RGMA: variants seen among roughly 807,000 people sequenced by gnomAD.
RGMA encodes the protein repulsive guidance molecule BMP co-receptor a.
Under a neutral mutation model 23.2 loss-of-function variants are expected in RGMA, and 10 were observed. The observed-to-expected ratio is 0.43, with a 90% CI of 0.27 to 0.73. The LOEUF (loss-of-function observed/expected upper bound fraction) is 0.73, where lower values mean the gene tolerates loss of function less well. Among genes scored for constraint, RGMA ranks in the 30% least tolerant of loss-of-function variants. RGMA has a pLI of 0.20. For missense variants in RGMA, 547 were observed against 630.5 expected (o/e 0.87, Z 1.42); for synonymous variants, 308 against 279.3 (o/e 1.10, Z -1.03).
chr15:93,084,465 T>G lies in RGMA; in HGVS notation c.14+4454A>C, dbSNP rs28539355. On this transcript the variant is annotated intron_variant, in intron 1 of 3. Coordinates refer to ENST00000329082, the MANE Select transcript of RGMA (RefSeq NM_020211.3). Reference sequence around the variant, plus strand: ...AAACGATCAGATGTCAAGGTTTTTTTGTTTTTTTGTTTTTTGTTTTTTTTT... The same window carrying G: ...AAACGATCAGATGTCAAGGTTTTTTGGTTTTTTTGTTTTTTGTTTTTTTTT... Among the ~76,000 whole-genome samples, 593 of 149,864 alleles carry G rather than the reference T, an allele frequency of 4.0e-3. 4 individuals carry two copies. The highest frequency in any genetic ancestry group is 0.015 in the African/African-American group (571 of 39,274).
chr15:93,063,401 C>T (rs1895035831), intron 2 of RGMA, among the ~76,000 whole-genome samples: 1 of 152,232 alleles, frequency 6.6e-6, no homozygotes, highest in Non-Finnish European at 1.5e-5. Flanking sequence ...TGCCTCAGTG[C>T]TGGATCTCAC....
intron 1 of RGMA, chr15:93,073,731 G>T (rs575976127): frequency 9.1e-6 from 14 of 1,537,170 alleles, no homozygotes; most frequent in Middle Eastern, 1.7e-4. Context: ...CGAGGTTCCC[G>T]CCCGTCGTGG....
chr15:93,054,895 G>A (rs1476885858), intron 2 of RGMA, among the ~76,000 whole-genome samples: 3 of 152,310 alleles, frequency 2.0e-5, no homozygotes, highest in East Asian at 3.9e-4. Flanking sequence ...CAACCTACCT[G>A]TAGGCTTTGA....
intron 1 of RGMA, 167 bp from the exon 2 acceptor site, chr15:93,073,198 C>A: frequency 8.2e-7 from 1 of 1,212,788 alleles, no homozygotes; most frequent in Non-Finnish European, 1.0e-6. Context: ...CCTCCCTCGC[C>A]ATCCATCACT....
chr15:93,038,652 G>C lies in RGMA; in HGVS notation c.*6346C>G, dbSNP rs1369654162. ...TGCAGTGGTGCGATCTCTGCTTGCTGCAAGTTCTGCCTCCCGGGTTCACGC... is the reference window on the plus strand; with the variant it reads ...TGCAGTGGTGCGATCTCTGCTTGCTCCAAGTTCTGCCTCCCGGGTTCACGC... On this transcript the variant is annotated 3_prime_UTR_variant, in exon 4 of 4. Coordinates refer to ENST00000329082, the MANE Select transcript of RGMA (RefSeq NM_020211.3). 1 of 148,372 alleles carries C rather than the reference G, an allele frequency of 6.7e-6. No individual in the cohort carries two copies. The highest frequency in any genetic ancestry group is 1.5e-5 in the Non-Finnish European group (1 of 67,604). 9.2% of individuals were successfully genotyped at this position (148,372 alleles called of 1,614,324 possible).
At chr15:93,062,436 G>A (rs1179903721) in intron 2 of RGMA, among the ~76,000 whole-genome samples, 2 of 152,338 alleles carry the variant, frequency 1.3e-5, no homozygotes, top group Middle Eastern at 3.4e-3. Context: ...GGGTGATGAA[G>A]GGCAAAGATC....
intron 2 of RGMA, among the ~76,000 whole-genome samples, chr15:93,069,617 A>G (rs75335088): frequency 0.017 from 2,565 of 152,342 alleles, 82 homozygotes; most frequent in African/African-American, 0.059. Context: ...TAGAACAGCG[A>G]TCCTCAAACT....
At chr15:93,065,434 C>T (rs1352041720) in intron 2 of RGMA, among the ~76,000 whole-genome samples, 1 of 149,342 alleles carries the variant, frequency 6.7e-6, no homozygotes, top group East Asian at 1.9e-4. Context: ...GTTGCTTTGG[C>T]CCTCCTGAGT....
rs962959761 is a variant in RGMA at position 93,044,673 on chromosome 15, G to A, written c.*325C>T. 1.0e-5 allele frequency: 4 copies of A among 398,452 alleles called. No homozygotes were observed. The highest frequency in any genetic ancestry group is 7.4e-5 in the South Asian group (2 of 27,058). 24.7% of individuals were successfully genotyped at this position (398,452 alleles called of 1,614,324 possible). A position where few individuals can be genotyped will look rare whatever the true frequency, so the allele number is the denominator to read the frequency against. The stretch of plus-strand genomic sequence containing the variant: ...CGAGGGGGAAGGAGCTGACTCTGAC[G>A]GTTCCCAGTGTGTCTCTGGTGGGGG... On this transcript the variant is annotated 3_prime_UTR_variant, in exon 4 of 4. Coordinates refer to ENST00000329082, the MANE Select transcript of RGMA (RefSeq NM_020211.3).
intron 1 of RGMA, chr15:93,073,639 GTGCAGGAGGC>G (rs1328073100): frequency 3.2e-5 from 49 of 1,537,050 alleles, no homozygotes; most frequent in Non-Finnish European, 4.3e-5. Flanking sequence ...CGCGACACCG[GTGCAGGAGGC>G]TGAAAAACCC....
chr15:93,064,812 T>C (rs148236112), intron 2 of RGMA, among the ~76,000 whole-genome samples: 5 of 152,180 alleles, frequency 3.3e-5, no homozygotes, highest in African/African-American at 1.2e-4. Flanking sequence ...TCGTCCTCTT[T>C]AGAATGCTAT....
At chr15:93,067,554 C>T (rs1328867872) in intron 2 of RGMA, among the ~76,000 whole-genome samples, 3 of 151,050 alleles carry the variant, frequency 2.0e-5, no homozygotes, top group South Asian at 2.1e-4. Context: ...GTGTCCCCGG[C>T]GTCGGGGGGG....
At chr15:93,047,045 A>G (rs2054834777) in intron 3 of RGMA, among the ~76,000 whole-genome samples, 1 of 152,244 alleles carries the variant, frequency 6.6e-6, no homozygotes, top group African/African-American at 2.4e-5. Flanking sequence ...ATGTAGGCTC[A>G]GAGAGAGGCA....
intron 2 of RGMA, among the ~76,000 whole-genome samples, chr15:93,067,658 G>A (rs1481776869): frequency 1.3e-5 from 2 of 152,020 alleles, no homozygotes; most frequent in Non-Finnish European, 2.9e-5. Context: ...GTGGGGTGTG[G>A]TGGGGTGGTA....
intron 2 of RGMA, among the ~76,000 whole-genome samples, chr15:93,058,694 C>A (rs2055052780): frequency 7.1e-6 from 1 of 141,776 alleles, no homozygotes; most frequent in Non-Finnish European, 1.5e-5. Flanking sequence ...CCCTCAGGTA[C>A]CCTGAAGGGG....
intron 1 of RGMA, among the ~76,000 whole-genome samples, chr15:93,083,739 A>G (rs956130442): frequency 1.3e-5 from 2 of 152,228 alleles, no homozygotes; most frequent in African/African-American, 4.8e-5. Flanking sequence ...TCATGTTCAG[A>G]GGCAAAAATG....
intron 1 of RGMA, among the ~76,000 whole-genome samples, chr15:93,083,447 C>G (rs1895590122): frequency 1.3e-5 from 2 of 152,140 alleles, no homozygotes; most frequent in African/African-American, 2.4e-5. Flanking sequence ...CCCACCTCAG[C>G]CCCTCGAGCA....
At chr15:93,082,841 A>C (rs1895580206) in intron 1 of RGMA, among the ~76,000 whole-genome samples, 1 of 152,258 alleles carries the variant, frequency 6.6e-6, no homozygotes, top group South Asian at 2.1e-4. Flanking sequence ...TTAGCCTTCG[A>C]ATGTGAGTTA....
intron 3 of RGMA, among the ~76,000 whole-genome samples, chr15:93,046,765 G>A (rs749763817): frequency 1.3e-5 from 2 of 152,168 alleles, no homozygotes; most frequent in East Asian, 1.9e-4. Flanking sequence ...GGTGCTGGTC[G>A]GTAAAAGGGA....
Sources: allele counts gnomAD v4.1 joint callset (sites outside exome capture counted in the v4.1 genomes callset), GRCh38; gene constraint gnomAD v4.1.1; transcripts MANE v1.5; gene names NCBI Gene and HGNC (gene_info 2026-07-23, HGNC 2026-07-21).